The following TTC6 variants were observed in gnomAD, a reference collection of about 807,000 sequenced individuals.
The protein encoded by TTC6 is tetratricopeptide repeat domain 6.
A neutral mutation model predicts 210.4 loss-of-function variants in TTC6; 172 were observed. The observed-to-expected ratio is 0.82, with a 90% confidence interval of 0.72 to 0.93. The LOEUF (loss-of-function observed/expected upper bound fraction) is 0.93, where lower values mean the gene tolerates loss of function less well. Ranked by LOEUF, TTC6 falls within the 40% of genes least tolerant of loss-of-function variation. TTC6 has a pLI of 0.00. For synonymous variants in TTC6, 804 were observed against 819.6 expected, an observed-to-expected ratio of 0.98 and a Z score of 0.32; for missense variants, 2,414 against 2,318.1, an observed-to-expected ratio of 1.04 and a Z score of -0.85.
chr14:37,713,551 C>G (rs2095847963), intron 5 of TTC6, among the ~76,000 whole-genome samples: 1 of 152,306 alleles, frequency 6.6e-6, no homozygotes, highest in South Asian at 2.1e-4. Context: ...AGAGTTTTAC[C>G]TCTCCATCCT....
chr14:37,729,594 T>C (rs66901837), intron 7 of TTC6, among the ~76,000 whole-genome samples: 28,556 of 152,086 alleles, frequency 0.19, 3,206 homozygotes, highest in East Asian at 0.46. Flanking sequence ...ATCAGCCTGG[T>C]TGAATCTTTC....
Position 37,796,779 on chromosome 14 carries a change from C to T in TTC6, c.3869-8C>T. The T allele has an allele frequency of 6.3e-7, 1 of 1,587,668 alleles. No homozygotes were observed. Among genetic ancestry groups the T allele is most frequent in the Non-Finnish European group, 8.5e-7 (1 of 1,170,222 alleles). On this transcript the variant is annotated splice_region_variant and splice_polypyrimidine_tract_variant and intron_variant, in intron 19 of 30. Coordinates refer to ENST00000553443, the Ensembl canonical transcript of TTC6. ...CAAAGATATTGATAAACTTTCCTTC[C>T]CTTTTAGGTCTCAGTGAGTTGAGTC...
chr14:37,796,800 G>C (rs367933467), exon 20 of TTC6: 7 of 1,602,300 alleles, frequency 4.4e-6, no homozygotes, highest in Middle Eastern at 3.3e-4. Context: ...TCAGTGAGTT[G>C]AGTCCTATGC....
chr14:37,685,422 C>A (rs1011236909), intron 3 of TTC6, among the ~76,000 whole-genome samples: 2 of 151,958 alleles, frequency 1.3e-5, no homozygotes, highest in African/African-American at 4.8e-5. Flanking sequence ...ATGTTAAGAA[C>A]AAAAACAAGT....
At chr14:37,790,900 G>C (rs942553398) in intron 16 of TTC6, 63 bp downstream of exon 18, 1 of 1,404,570 alleles carries the variant, frequency 7.1e-7, no homozygotes, top group African/African-American at 1.5e-5. Flanking sequence ...CCTGAAATGG[G>C]AGAAAAAGTT....
intron 2 of TTC6, among the ~76,000 whole-genome samples, chr14:37,608,590 A>C (rs1268292182): frequency 6.6e-6 from 1 of 151,662 alleles, no homozygotes; most frequent in African/African-American, 2.4e-5. Flanking sequence ...TACAGGTGTG[A>C]GCCACCAGTG....
intron 1 of TTC6, among the ~76,000 whole-genome samples, chr14:37,660,202 C>G (rs1031746098): frequency 2.0e-5 from 3 of 149,176 alleles, no homozygotes; most frequent in Non-Finnish European, 4.4e-5. Flanking sequence ...ATGGTATTGC[C>G]TAGGTTGTCT....
At chr14:37,630,860 T>C (rs1595035615) in intron 1 of TTC6, among the ~76,000 whole-genome samples, 1 of 151,362 alleles carries the variant, frequency 6.6e-6, no homozygotes, top group Non-Finnish European at 1.5e-5. Flanking sequence ...TTTTTGATCT[T>C]TGTTGGTTTA....
At chr14:37,810,086 T>C (rs1187101049) in intron 24 of TTC6, among the ~76,000 whole-genome samples, 1 of 152,222 alleles carries the variant, frequency 6.6e-6, no homozygotes, top group African/African-American at 2.4e-5. Context: ...TGAGAAACAT[T>C]GTCTCTACCT....
chr14:37,610,750 T>C (rs2095632954), intron 2 of TTC6, among the ~76,000 whole-genome samples: 2 of 152,220 alleles, frequency 1.3e-5, no homozygotes, highest in Admixed American at 1.3e-4. Context: ...TATCACTTTC[T>C]TGTGTTTATT....
chr14:37,794,474 C>T (rs923468673), intron 17 of TTC6, among the ~76,000 whole-genome samples: 1 of 151,174 alleles, frequency 6.6e-6, no homozygotes, highest in Admixed American at 6.6e-5. Flanking sequence ...GTAGAGTGCT[C>T]TTTTGGTAAT....
intron 16 of TTC6, 131 bp downstream of exon 18, chr14:37,790,968 G>T: frequency 1.4e-6 from 1 of 707,674 alleles, no homozygotes; most frequent in South Asian, 2.1e-5. Context: ...AGTCATCCTA[G>T]AATTAGAATA....
chr14:37,648,019 C>T (rs559227348), intron 1 of TTC6, among the ~76,000 whole-genome samples: 2 of 152,246 alleles, frequency 1.3e-5, no homozygotes, highest in East Asian at 3.9e-4. Flanking sequence ...CAAACACACA[C>T]ACACACACGT....
chr14:37,784,048 G>A (rs921205519), intron 14 of TTC6, among the ~76,000 whole-genome samples: 5 of 152,020 alleles, frequency 3.3e-5, no homozygotes, highest in African/African-American at 7.2e-5. Context: ...GCTTTACTTC[G>A]AACTGTGTGG....
intron 5 of TTC6, among the ~76,000 whole-genome samples, chr14:37,702,179 G>A (rs1033390792): frequency 2.0e-5 from 3 of 152,134 alleles, no homozygotes; most frequent in Non-Finnish European, 2.9e-5. Context: ...GGGAGAAGTT[G>A]TAATTTCCAT....
intron 14 of TTC6, among the ~76,000 whole-genome samples, chr14:37,768,319 T>A (rs1208995353): frequency 2.0e-5 from 3 of 151,450 alleles, no homozygotes; most frequent in Non-Finnish European, 4.4e-5. Context: ...TTAAAGTAGT[T>A]TTTTCCAATT....
At chr14:37,613,888 G>T (rs2095638519) in intron 2 of TTC6, among the ~76,000 whole-genome samples, 1 of 151,836 alleles carries the variant, frequency 6.6e-6, no homozygotes, top group Admixed American at 6.6e-5. Context: ...ATTTTGTTGA[G>T]ATTTTAAAAG....
chr14:37,778,483 C>CA (rs1162514386), intron 14 of TTC6, among the ~76,000 whole-genome samples: 1 of 152,026 alleles, frequency 6.6e-6, no homozygotes, highest in Non-Finnish European at 1.5e-5. Flanking sequence ...CTCATGCCAG[C>CA]AGCTAGTGGC....
chr14:37,826,140 C>G (rs1010108575), intron 27 of TTC6, 55 bp from the exon 30 acceptor site: 2 of 1,503,614 alleles, frequency 1.3e-6, no homozygotes, highest in Non-Finnish European at 1.8e-6. Flanking sequence ...GAATCATAAA[C>G]GTTTGTCATG....
Sources: gnomAD v4.1 joint callset for allele counts (sites outside exome capture counted in the v4.1 genomes callset) on GRCh38, gnomAD v4.1.1 for gene constraint, MANE v1.5 for transcripts, NCBI Gene and HGNC (gene_info 2026-07-23, HGNC 2026-07-21) for gene names.